AKAP6: variants seen among roughly 807,000 people sequenced by gnomAD.
AKAP6 encodes the protein A-kinase anchor protein 6.
Under a neutral mutation model 188.5 loss-of-function variants are expected in AKAP6, and 58 were observed. The ratio of observed to expected loss-of-function variants is 0.31; its 90% CI spans 0.25 to 0.38. The LOEUF (loss-of-function observed/expected upper bound fraction) is 0.38. Ranked by LOEUF, AKAP6 falls within the 10% of genes least tolerant of loss-of-function variation. The pLI, the probability that AKAP6 is intolerant of heterozygous loss-of-function variation, is 1.00. For synonymous variants in AKAP6, 989 were observed against 998.6 expected (o/e 0.99, Z 0.18); for missense variants, 2,710 against 2,740.0 (o/e 0.99, Z 0.24).
At chr14:32,554,426 T>TATTGGTCTCATTTTACAG (rs1883607159) in intron 4 of AKAP6, among the ~76,000 whole-genome samples, 1 of 152,202 alleles carries the variant, frequency 6.6e-6, no homozygotes, top group African/African-American at 2.4e-5. Flanking sequence ...GAAGAGCTGT[T>TATTGGTCTCATTTTACAG]ATTGGTCTCA....
chr14:32,667,873 G>A (rs1345117598), intron 7 of AKAP6, among the ~76,000 whole-genome samples: 1 of 152,090 alleles, frequency 6.6e-6, no homozygotes, highest in African/African-American at 2.4e-5. Context: ...TAGAATTTCA[G>A]AGGAACTAGT....
chr14:32,518,547 T>G (rs1424492905), intron 2 of AKAP6, among the ~76,000 whole-genome samples: 2 of 152,054 alleles, frequency 1.3e-5, no homozygotes, highest in Admixed American at 6.6e-5. Flanking sequence ...ACGTGACACA[T>G]GCACAAGCTT....
chr14:32,377,405 C>A (rs1888192188), intron 1 of AKAP6, among the ~76,000 whole-genome samples: 1 of 152,144 alleles, frequency 6.6e-6, no homozygotes, highest in African/African-American at 2.4e-5. Flanking sequence ...TTGTTTTTCC[C>A]ATGAGAATAG....
At chr14:32,677,108 G>C (rs1305675757) in intron 7 of AKAP6, among the ~76,000 whole-genome samples, 1 of 152,200 alleles carries the variant, frequency 6.6e-6, no homozygotes, top group East Asian at 1.9e-4. Context: ...TTGCAGGCAT[G>C]CATCACCGCA....
chr14:32,525,652 A>G (rs1311839342), intron 2 of AKAP6, among the ~76,000 whole-genome samples: 2 of 152,338 alleles, frequency 1.3e-5, no homozygotes, highest in African/African-American at 4.8e-5. Flanking sequence ...AGTGCCAATT[A>G]GTGTAAATAT....
intron 5 of AKAP6, among the ~76,000 whole-genome samples, chr14:32,589,035 T>A (rs1325924804): frequency 6.6e-6 from 1 of 152,160 alleles, no homozygotes. Context: ...AGGGTTTTCT[T>A]TTTCCCACTT....
chr14:32,380,029 G>A (rs567027694), intron 1 of AKAP6, among the ~76,000 whole-genome samples: 1 of 152,272 alleles, frequency 6.6e-6, no homozygotes, highest in East Asian at 1.9e-4. Flanking sequence ...TCTTTACAAT[G>A]TTGCAAATTT....
rs751623915 is a variant in AKAP6, at chr14:32,757,724, C to T, written c.3373-15954C>T. 8.5e-5 allele frequency among the ~76,000 whole-genome samples: 13 copies of T among 152,242 alleles called. 1 individual carries two copies. The highest frequency in any genetic ancestry group is 4.1e-4 in the South Asian group (2 of 4,820). Reference sequence around the variant, plus strand: ...TCTTCCAAGGAACACACAGGCTAAACGGAGATACAGACAGTGAAACATGCA... The same window carrying T: ...TCTTCCAAGGAACACACAGGCTAAATGGAGATACAGACAGTGAAACATGCA... On this transcript the variant is annotated intron_variant, in intron 11 of 13. Transcript: ENST00000280979.
intron 1 of AKAP6, among the ~76,000 whole-genome samples, chr14:32,394,714 G>A (rs1037190777): frequency 6.6e-6 from 1 of 152,142 alleles, no homozygotes. Context: ...TTACTGGGGT[G>A]ACCTTTGGTT....
chr14:32,717,766 A>G (rs886666187), intron 9 of AKAP6, among the ~76,000 whole-genome samples: 2 of 152,044 alleles, frequency 1.3e-5, no homozygotes, highest in African/African-American at 4.8e-5. Flanking sequence ...TATACCAACA[A>G]ATTTCCACTT....
At chr14:32,740,645 A>T (rs1182002990) in intron 11 of AKAP6, among the ~76,000 whole-genome samples, 1 of 151,938 alleles carries the variant, frequency 6.6e-6, no homozygotes, top group African/African-American at 2.4e-5. Flanking sequence ...TCCACAGTGT[A>T]TGTTCTTGGC....
At chr14:32,607,837 A>G (rs1042696449) in intron 7 of AKAP6, among the ~76,000 whole-genome samples, 1 of 152,178 alleles carries the variant, frequency 6.6e-6, no homozygotes, top group Non-Finnish European at 1.5e-5. Flanking sequence ...GCTGAACTAT[A>G]TAAACATAGT....
At chr14:32,577,270 T>C (rs1265839710) in intron 5 of AKAP6, 28 bp downstream of exon 5, 1 of 1,595,832 alleles carries the variant, frequency 6.3e-7, no homozygotes, top group Admixed American at 1.8e-5. Context: ...GTTCTTGCTG[T>C]CAATAATCAA....
chr14:32,329,712 T>C (rs773837059), intron 1 of AKAP6, among the ~76,000 whole-genome samples: 13 of 152,272 alleles, frequency 8.5e-5, no homozygotes, highest in South Asian at 2.1e-4. Flanking sequence ...AGCTTTAAAA[T>C]GAGTAGTTAA....
intron 4 of AKAP6, among the ~76,000 whole-genome samples, chr14:32,548,350 C>A (rs1883292044): frequency 6.6e-6 from 1 of 152,108 alleles, no homozygotes; most frequent in South Asian, 2.1e-4. Flanking sequence ...GATCCGCCTG[C>A]CTTGGCATCC....
At chr14:32,734,808 A>G (rs958671856) in intron 10 of AKAP6, among the ~76,000 whole-genome samples, 1 of 152,148 alleles carries the variant, frequency 6.6e-6, no homozygotes, top group Non-Finnish European at 1.5e-5. Context: ...TACACACCAG[A>G]TGAATGTTTG....
At chr14:32,452,446 T>C (rs1890974418) in intron 2 of AKAP6, among the ~76,000 whole-genome samples, 1 of 152,196 alleles carries the variant, frequency 6.6e-6, no homozygotes, top group Non-Finnish European at 1.5e-5. Flanking sequence ...TTCCCTATTA[T>C]AAAAAGTGTG....
intron 7 of AKAP6, among the ~76,000 whole-genome samples, chr14:32,618,838 T>C (rs1389745529): frequency 6.6e-6 from 1 of 152,170 alleles, no homozygotes; most frequent in Non-Finnish European, 1.5e-5. Context: ...TCCCTTTTCA[T>C]CACATCCACG....
intron 2 of AKAP6, among the ~76,000 whole-genome samples, chr14:32,459,086 T>A (rs1338892055): frequency 6.6e-6 from 1 of 152,118 alleles, no homozygotes; most frequent in East Asian, 1.9e-4. Flanking sequence ...ACAATATTAA[T>A]CTCAAAAGCA....
Sources: gnomAD v4.1 joint callset for allele counts (sites outside exome capture counted in the v4.1 genomes callset) on GRCh38, gnomAD v4.1.1 for gene constraint, MANE v1.5 for transcripts, NCBI Gene and HGNC (gene_info 2026-07-23, HGNC 2026-07-21) for gene names.